The following PTPRD variants were observed in gnomAD, a reference collection of about 807,000 sequenced individuals.
The protein encoded by PTPRD is receptor-type tyrosine-protein phosphatase delta.
A neutral mutation model predicts 214.5 loss-of-function variants in PTPRD; 34 were observed. That is an observed-to-expected ratio of 0.16 (90% confidence interval 0.12 to 0.21). The LOEUF (loss-of-function observed/expected upper bound fraction) is 0.21, where lower values mean the gene tolerates loss of function less well. Ranked by LOEUF, PTPRD falls within the 10% of genes least tolerant of loss-of-function variation. The probability of loss-of-function intolerance (pLI) is 1.00; values close to 1 mark genes in which losing one functional copy is unlikely to be tolerated. For synonymous variants in PTPRD, 1,128 were observed against 845.7 expected (o/e 1.33, Z -5.79); for missense variants, 2,545 against 2,398.7 (o/e 1.06, Z -1.27).
chr9:9,600,741 G>A (rs961310379), intron 7 of PTPRD, among the ~76,000 whole-genome samples: 4 of 152,022 alleles, frequency 2.6e-5, no homozygotes, highest in African/African-American at 4.8e-5. Context: ...TAACAGAACC[G>A]TCCATCCTTC....
At chr9:9,648,069 C>T (rs559121964) in intron 7 of PTPRD, among the ~76,000 whole-genome samples, 3 of 152,196 alleles carry the variant, frequency 2.0e-5, no homozygotes, top group East Asian at 1.9e-4. Flanking sequence ...TACCAAGTTA[C>T]GACAATTGGA....
At chr9:8,649,041 A>T (rs1473362437) in intron 12 of PTPRD, among the ~76,000 whole-genome samples, 3 of 152,252 alleles carry the variant, frequency 2.0e-5, no homozygotes, top group Admixed American at 6.5e-5. Context: ...GAAAAGGAAC[A>T]TGAGAGCGGA....
intron 3 of PTPRD, among the ~76,000 whole-genome samples, chr9:10,227,568 A>G (rs1424538401): frequency 2.0e-5 from 3 of 151,946 alleles, no homozygotes; most frequent in Admixed American, 1.3e-4. Flanking sequence ...TCCAGGCTAG[A>G]TAAGGTGATC....
intron 5 of PTPRD, among the ~76,000 whole-genome samples, chr9:9,921,450 A>G (rs1338502410): frequency 6.6e-6 from 1 of 151,912 alleles, no homozygotes; most frequent in Non-Finnish European, 1.5e-5. Flanking sequence ...GAGCTATGAC[A>G]CTCACACATA....
intron 2 of PTPRD, among the ~76,000 whole-genome samples, chr9:10,373,740 G>A (rs372813780): frequency 6.6e-6 from 1 of 151,400 alleles, no homozygotes; most frequent in South Asian, 2.1e-4. Flanking sequence ...CCACCTTTAC[G>A]CCTTGCCATA....
intron 8 of PTPRD, among the ~76,000 whole-genome samples, chr9:9,569,085 T>C (rs1461759695): frequency 1.3e-5 from 2 of 151,540 alleles, no homozygotes; most frequent in Admixed American, 1.3e-4. Flanking sequence ...TTATACAGAG[T>C]TTAAAGTCAA....
rs1216518665 is a variant in PTPRD at position 9,578,072 on chromosome 9, G to C, written c.-286-3291C>G. 3.2e-3 allele frequency among the ~76,000 whole-genome samples: 264 copies of C among 83,300 alleles called. 1 individual carries two copies. The highest frequency in any genetic ancestry group is 9.5e-3 in the African/African-American group (238 of 24,922). 54.6% of individuals were successfully genotyped at this position (83,300 alleles called of 152,430 possible). A position where few individuals can be genotyped will look rare whatever the true frequency, so the allele number is the denominator to read the frequency against. On this transcript the variant is annotated intron_variant, in intron 7 of 45. Coordinates refer to ENST00000381196, the MANE Select transcript of PTPRD (RefSeq NM_002839.4). ...AAAAAAAAAAAAAAAAAAAAAAAAA[G>C]AGGATCAGATATACTTCTCTCATTT...
At chr9:10,058,743 C>G (rs374136323) in intron 3 of PTPRD, among the ~76,000 whole-genome samples, 11 of 152,216 alleles carry the variant, frequency 7.2e-5, no homozygotes, top group African/African-American at 2.6e-4. Context: ...GTTTGCAATA[C>G]TGACATCCCC....
chr9:9,870,850 G>C (rs2065229524), intron 5 of PTPRD, among the ~76,000 whole-genome samples: 1 of 152,208 alleles, frequency 6.6e-6, no homozygotes, highest in Non-Finnish European at 1.5e-5. Flanking sequence ...CTTAACAATT[G>C]TTGAGCCTGG....
chr9:9,278,965 G>A (rs936031883), intron 9 of PTPRD, among the ~76,000 whole-genome samples: 1 of 151,026 alleles, frequency 6.6e-6, no homozygotes, highest in Non-Finnish European at 1.5e-5. Flanking sequence ...TTGTTTTTGT[G>A]TCACAAAATA....
intron 8 of PTPRD, among the ~76,000 whole-genome samples, chr9:9,427,804 G>C (rs935993163): frequency 1.1e-4 from 17 of 152,136 alleles, no homozygotes; most frequent in Admixed American, 2.6e-4. Flanking sequence ...TTCATATCCA[G>C]CCAAACTAAG....
intron 9 of PTPRD, among the ~76,000 whole-genome samples, chr9:9,284,295 T>C (rs778380339): frequency 6.6e-6 from 1 of 151,664 alleles, no homozygotes. Flanking sequence ...TGGTTTTTAT[T>C]ATCCCATCAT....
intron 11 of PTPRD, among the ~76,000 whole-genome samples, chr9:8,736,830 T>C (rs1295433368): frequency 1.3e-5 from 2 of 152,104 alleles, no homozygotes; most frequent in Non-Finnish European, 2.9e-5. Flanking sequence ...AAAATCAACT[T>C]ATCAAGCAGT....
At chr9:9,872,218 C>G (rs1205004692) in intron 5 of PTPRD, among the ~76,000 whole-genome samples, 1 of 152,092 alleles carries the variant, frequency 6.6e-6, no homozygotes, top group Admixed American at 6.6e-5. Flanking sequence ...AGTGTAGGCT[C>G]TGAAGGCAGC....
intron 2 of PTPRD, among the ~76,000 whole-genome samples, chr9:10,465,164 T>G (rs1158771161): frequency 1.3e-5 from 2 of 152,154 alleles, no homozygotes; most frequent in African/African-American, 4.8e-5. Context: ...TGAATCCTGG[T>G]TAGTAATACA....
intron 5 of PTPRD, among the ~76,000 whole-genome samples, chr9:9,767,644 G>T (rs1044878193): frequency 6.6e-6 from 1 of 151,936 alleles, no homozygotes; most frequent in Non-Finnish European, 1.5e-5. Context: ...AAATCACTTT[G>T]TTCATATGTT....
chr9:9,734,335 T>C (rs193074578), intron 7 of PTPRD, among the ~76,000 whole-genome samples, 198 bp downstream of exon 7: 1 of 152,168 alleles, frequency 6.6e-6, no homozygotes, highest in Non-Finnish European at 1.5e-5. Flanking sequence ...CCAAGAAGTA[T>C]CTGGACTTAT....
intron 7 of PTPRD, among the ~76,000 whole-genome samples, chr9:9,720,599 C>A (rs999952838): frequency 6.6e-6 from 1 of 152,122 alleles, no homozygotes; most frequent in African/African-American, 2.4e-5. Flanking sequence ...GAATCTAAAT[C>A]CCATGCAGGT....
At chr9:9,160,174 G>T (rs1366735724) in intron 10 of PTPRD, among the ~76,000 whole-genome samples, 4 of 152,154 alleles carry the variant, frequency 2.6e-5, no homozygotes, top group African/African-American at 9.6e-5. Context: ...AGATAAAAAA[G>T]CAAAACATAG....
Sources: allele counts gnomAD v4.1 joint callset (sites outside exome capture counted in the v4.1 genomes callset), GRCh38; gene constraint gnomAD v4.1.1; transcripts MANE v1.5; gene names NCBI Gene and HGNC (gene_info 2026-07-23, HGNC 2026-07-21).